The following KIF1B variants were observed in gnomAD, a reference collection of about 807,000 sequenced individuals.
KIF1B encodes the protein kinesin-like protein KIF1B.
A neutral mutation model predicts 241.9 loss-of-function variants in KIF1B; 76 were observed. The observed-to-expected ratio is 0.31, with a 90% confidence interval of 0.26 to 0.38. The LOEUF (loss-of-function observed/expected upper bound fraction) is 0.38. KIF1B is among the 10% of genes least tolerant of loss of function. The pLI, the probability that KIF1B is intolerant of heterozygous loss-of-function variation, is 1.00. For synonymous variants in KIF1B, 750 were observed against 796.7 expected (o/e 0.94, Z 0.99); for missense variants, 1,622 against 2,271.4 (o/e 0.71, Z 5.81).
At chr1:10,318,144 G>A (rs899751846) in intron 22 of KIF1B, among the ~76,000 whole-genome samples, 13 of 151,386 alleles carry the variant, frequency 8.6e-5, no homozygotes, top group Admixed American at 2.6e-4. Context: ...GTAAAGCTAT[G>A]TAGTTGGTTC....
intron 22 of KIF1B, among the ~76,000 whole-genome samples, chr1:10,299,870 G>A (rs1026260966): frequency 5.9e-5 from 9 of 152,140 alleles, no homozygotes; most frequent in African/African-American, 2.2e-4. Context: ...GAAAGCCGAA[G>A]GATCATTTTG....
At chr1:10,270,925 CAA>C (rs34851583) in intron 7 of KIF1B, among the ~76,000 whole-genome samples, 20 of 91,116 alleles carry the variant, frequency 2.2e-4, no homozygotes, top group Admixed American at 3.4e-4. Flanking sequence ...GACTCTGTCT[CAA>C]AAAAAAAAAA....
At chr1:10,307,665 G>A (rs1650896245) in intron 22 of KIF1B, 1 of 1,018,714 alleles carries the variant, frequency 9.8e-7, no homozygotes. Context: ...AGGCCAAAGA[G>A]AAATGGTCAT....
intron 36 of KIF1B, 114 bp downstream of exon 36, chr1:10,347,941 GGCATT>G (rs1288380297): frequency 1.1e-6 from 1 of 919,788 alleles, no homozygotes; most frequent in African/African-American, 1.7e-5. Flanking sequence ...GGGTGGGCGG[GGCATT>G]GTCCTGTTGT....
chr1:10,268,348 A>C, intron 7 of KIF1B, 85 bp downstream of exon 7: 1 of 899,452 alleles, frequency 1.1e-6, no homozygotes, highest in Non-Finnish European at 1.8e-6. Context: ...CTTTTTGTGG[A>C]AGGTTGGGTG....
At chr1:10,211,693 A>G (rs1312758045) in intron 1 of KIF1B, 1 of 149,296 alleles carries the variant, frequency 6.7e-6, no homozygotes, top group Non-Finnish European at 1.5e-5. Context: ...TGGAGCTTCC[A>G]GATCCCTTTT....
chr1:10,245,749 C>G (rs1647201138), intron 2 of KIF1B, among the ~76,000 whole-genome samples: 1 of 152,110 alleles, frequency 6.6e-6, no homozygotes, highest in South Asian at 2.1e-4. Flanking sequence ...TTGGGGAAAT[C>G]AGGAGATAGC....
intron 1 of KIF1B, among the ~76,000 whole-genome samples, chr1:10,216,114 C>G (rs1354845902): frequency 2.0e-5 from 3 of 152,146 alleles, no homozygotes; most frequent in African/African-American, 7.2e-5. Flanking sequence ...CTAAAACAGG[C>G]CAAGTGACTT....
At chr1:10,362,906 A>G (rs951465364) in intron 40 of KIF1B, among the ~76,000 whole-genome samples, 1 of 152,100 alleles carries the variant, frequency 6.6e-6, no homozygotes, top group Non-Finnish European at 1.5e-5. Flanking sequence ...CCCTATCTCT[A>G]CAAAAAAACT....
chr1:10,315,171 CTT>C (rs765236286), intron 22 of KIF1B, among the ~76,000 whole-genome samples: 123 of 80,026 alleles, frequency 1.5e-3, no homozygotes, highest in Non-Finnish European at 2.4e-3. Context: ...CAAGAATATT[CTT>C]TTTTTTTTTT....
rs550239533 is a variant in KIF1B at position 10,379,180 on chromosome 1, G to A, written c.*2593G>A. The A allele has an allele frequency of 1.7e-5, 4 of 232,412 alleles. No individual in the cohort carries two copies. Among genetic ancestry groups the A allele is most frequent in the East Asian group, 6.1e-5 (1 of 16,396 alleles). 14.4% of individuals were successfully genotyped at this position (232,412 alleles called of 1,614,324 possible). On this transcript the variant is annotated 3_prime_UTR_variant, in exon 49 of 49. Transcript: ENST00000676179. ...AGGATCCATGTCTGTGACACAGGAC[G>A]GTGGGAAGCCTGAGAGAGAGTGAAA... is the stretch of plus-strand genomic sequence containing the variant.
rs148223890 is a variant in KIF1B at position 10,227,697 on chromosome 1, A to G, written c.-79-4553A>G. On this transcript the variant is annotated intron_variant, in intron 1 of 48. Coordinates refer to ENST00000676179, the MANE Select transcript of KIF1B (RefSeq NM_001365951.3). Reference sequence around the variant, plus strand: ...GTGTTGGGCACCTGTAATCCCAGCTACTCGGTAGGCTGAGGTAGGAGAATC... The same window carrying G: ...GTGTTGGGCACCTGTAATCCCAGCTGCTCGGTAGGCTGAGGTAGGAGAATC... 9.3e-4 allele frequency: 143 copies of G among 153,638 alleles called. 1 individual carries two copies. The highest frequency in any genetic ancestry group is 3.3e-3 in the African/African-American group (137 of 41,442). 9.5% of individuals were successfully genotyped at this position (153,638 alleles called of 1,614,324 possible).
intron 44 of KIF1B, among the ~76,000 whole-genome samples, chr1:10,369,927 C>T (rs1364100102): frequency 1.3e-5 from 2 of 149,328 alleles, no homozygotes; most frequent in South Asian, 2.1e-4. Flanking sequence ...AGTGAAACTC[C>T]GCCTCAAAAA....
At chr1:10,328,308 T>A (rs1374622377) in intron 27 of KIF1B, among the ~76,000 whole-genome samples, 1 of 152,218 alleles carries the variant, frequency 6.6e-6, no homozygotes, top group Non-Finnish European at 1.5e-5. Context: ...AAAGAAAAGC[T>A]TTTTTGATAG....
At chr1:10,349,883 G>A (rs980471249) in intron 37 of KIF1B, among the ~76,000 whole-genome samples, 9 of 152,336 alleles carry the variant, frequency 5.9e-5, no homozygotes, top group East Asian at 1.9e-4. Context: ...AAAGGAAACC[G>A]ATAATATTGA....
At chr1:10,296,748 GAAGT>G in intron 20 of KIF1B, 83 bp downstream of exon 20, 1 of 1,420,128 alleles carries the variant, frequency 7.0e-7, no homozygotes, top group South Asian at 1.2e-5. Context: ...TTTAAAGGCT[GAAGT>G]AATAGTCAGC....
intron 22 of KIF1B, among the ~76,000 whole-genome samples, chr1:10,316,608 C>T (rs551204696): frequency 8.6e-5 from 13 of 151,478 alleles, no homozygotes; most frequent in Admixed American, 8.5e-4. Context: ...TCAAGTGATC[C>T]TCCTACCTCA....
At position 10,272,731 on chromosome 1, in the gene KIF1B, T is replaced by C. The variant is rs1000974341; in HGVS notation, c.865-283T>C. ...GGGCCAGTAGTTTTTTTTTTTTTTT[T>C]CCCCCAATAGTTTTGTTCTTTCCTA... On this transcript the variant is annotated intron_variant, in intron 9 of 48. Transcript: ENST00000676179. Among the ~76,000 whole-genome samples, 253 of 149,618 alleles carry C rather than the reference T, an allele frequency of 1.7e-3. 1 individual carries two copies. The highest frequency in any genetic ancestry group is 7.0e-3 in the Middle Eastern group (2 of 284).
intron 19 of KIF1B, 151 bp from the exon 20 acceptor site, chr1:10,296,431 C>T: frequency 1.5e-6 from 1 of 684,084 alleles, no homozygotes; most frequent in South Asian, 1.5e-5. Flanking sequence ...TTCTGGTACC[C>T]CAAAATGAAC....
Sources: gnomAD v4.1 joint callset for allele counts (sites outside exome capture counted in the v4.1 genomes callset) on GRCh38, gnomAD v4.1.1 for gene constraint, MANE v1.5 for transcripts, NCBI Gene and HGNC (gene_info 2026-07-23, HGNC 2026-07-21) for gene names.